Variants in IL1RAPL1 observed in about 807,000 individuals in gnomAD.
IL1RAPL1 encodes the protein interleukin 1 receptor accessory protein like 1, also known as interleukin-1 receptor accessory protein-like 1.
Under a neutral mutation model 48.4 loss-of-function variants are expected in IL1RAPL1, and 3 were observed. The observed-to-expected ratio is 0.06, with a 90% confidence interval of 0.03 to 0.16. The LOEUF is 0.16. IL1RAPL1 is among the 10% of genes least tolerant of loss of function. The pLI, the probability that IL1RAPL1 is intolerant of heterozygous loss-of-function variation, is 1.00. For synonymous variants in IL1RAPL1, 185 were observed against 187.7 expected, an observed-to-expected ratio of 0.99 and a Z score of 0.12; for missense variants, 349 against 530.6, an observed-to-expected ratio of 0.66 and a Z score of 3.36.
At chrX:28,691,085 G>A (rs2146925316) in intron 1 of IL1RAPL1, among the ~76,000 whole-genome samples, 1 of 111,143 alleles carries the variant, frequency 9.0e-6, no homozygotes, top group Admixed American at 9.6e-5. Flanking sequence ...GCTTCTAATT[G>A]CTCTTAGGAG....
At position 29,378,089 on chromosome X, in the gene IL1RAPL1, T is replaced by C. The variant is rs191148383; in HGVS notation, c.363-18169T>C. The stretch of plus-strand genomic sequence containing the variant: ...TAAAAATTATTATTTTTTCTTTATT[T>C]TTGTCTGATTGAGTTGATTCAAAGA... On this transcript the variant is annotated intron_variant, in intron 3 of 10. Transcript: ENST00000378993. Among the ~76,000 whole-genome samples, 440 of 109,964 alleles carry C rather than the reference T, an allele frequency of 4.0e-3. 1 individual carries two copies. Among genetic ancestry groups the C allele is most frequent in the Middle Eastern group, 9.4e-3 (2 of 212 alleles).
chrX:29,639,970 T>C (rs1192777471), intron 5 of IL1RAPL1, among the ~76,000 whole-genome samples: 1 of 111,498 alleles, frequency 9.0e-6, no homozygotes, highest in Non-Finnish European at 1.9e-5. Flanking sequence ...CCCTGGCATC[T>C]TTTTGGTCCT....
chrX:29,509,684 C>G (rs1270679972), intron 5 of IL1RAPL1, among the ~76,000 whole-genome samples: 1 of 107,103 alleles, frequency 9.3e-6, no homozygotes, highest in Non-Finnish European at 1.9e-5. Context: ...CATGCGCCCA[C>G]ACGCACACAC....
intron 6 of IL1RAPL1, among the ~76,000 whole-genome samples, chrX:29,883,426 G>T (rs753415483): frequency 2.4e-4 from 27 of 112,027 alleles, no homozygotes; most frequent in Non-Finnish European, 1.3e-4. Context: ...AGATCCAAGA[G>T]AGAATTTTAT....
chrX:28,927,177 G>A (rs1215156929), intron 2 of IL1RAPL1, among the ~76,000 whole-genome samples: 1 of 110,439 alleles, frequency 9.1e-6, no homozygotes, highest in Non-Finnish European at 1.9e-5. Flanking sequence ...TTACAGGTGT[G>A]AGCCACTGTG....
At chrX:29,727,424 C>T (rs1289429825) in intron 6 of IL1RAPL1, among the ~76,000 whole-genome samples, 33 of 112,050 alleles carry the variant, frequency 2.9e-4, no homozygotes, top group Non-Finnish European at 5.6e-5. Context: ...GGTAAATTAG[C>T]ACTTGGAGGA....
intron 6 of IL1RAPL1, among the ~76,000 whole-genome samples, chrX:29,766,374 TAG>T (rs1477773748): frequency 2.1e-5 from 2 of 93,046 alleles, no homozygotes; most frequent in African/African-American, 8.1e-5. Context: ...GATAGATAGA[TAG>T]ATAGATAGAT....
intron 5 of IL1RAPL1, among the ~76,000 whole-genome samples, chrX:29,452,575 T>C (rs899216017): frequency 8.9e-5 from 10 of 111,909 alleles, no homozygotes; most frequent in African/African-American, 2.9e-4. Context: ...GCTTTGTTAA[T>C]TTTTGATTTT....
intron 2 of IL1RAPL1, among the ~76,000 whole-genome samples, chrX:28,947,202 G>T (rs1239113421): frequency 1.8e-5 from 2 of 111,886 alleles, no homozygotes; most frequent in Non-Finnish European, 3.8e-5. Flanking sequence ...AGATGTGTGT[G>T]TATGTATGTA....
At chrX:28,620,959 T>A (rs900972406) in intron 1 of IL1RAPL1, among the ~76,000 whole-genome samples, 3 of 111,608 alleles carry the variant, frequency 2.7e-5, no homozygotes, top group African/African-American at 9.8e-5. Context: ...TTTGGGCCTT[T>A]TCCCTAGCTG....
chrX:29,124,891 A>T (rs1394636893), intron 2 of IL1RAPL1, among the ~76,000 whole-genome samples: 2 of 112,247 alleles, frequency 1.8e-5, no homozygotes, highest in African/African-American at 6.5e-5. Flanking sequence ...GGGCAGGAAT[A>T]GTGTATTGTT....
intron 2 of IL1RAPL1, among the ~76,000 whole-genome samples, chrX:28,941,591 A>G (rs1924163969): frequency 9.0e-6 from 1 of 111,319 alleles, no homozygotes; most frequent in African/African-American, 3.2e-5. Flanking sequence ...ACACTTAAAG[A>G]TGCTGCTTTA....
chrX:29,466,134 A>G (rs1338493281), intron 5 of IL1RAPL1, among the ~76,000 whole-genome samples: 3 of 112,568 alleles, frequency 2.7e-5, no homozygotes, highest in African/African-American at 9.7e-5. Context: ...TTCAAATTTA[A>G]CCAGATACCT....
chrX:28,774,986 G>T (rs1020640543), intron 1 of IL1RAPL1, among the ~76,000 whole-genome samples: 3 of 111,780 alleles, frequency 2.7e-5, no homozygotes, highest in African/African-American at 9.7e-5. Flanking sequence ...CACCAAGTCT[G>T]ATGACCTTCC....
At chrX:28,746,254 A>G (rs1935976330) in intron 1 of IL1RAPL1, among the ~76,000 whole-genome samples, 1 of 111,757 alleles carries the variant, frequency 8.9e-6, no homozygotes, top group South Asian at 3.8e-4. Context: ...TATTTACCAA[A>G]GTCAAAATAC....
At chrX:29,563,095 G>A (rs775328161) in intron 5 of IL1RAPL1, among the ~76,000 whole-genome samples, 76 of 111,820 alleles carry the variant, frequency 6.8e-4, no homozygotes, top group Non-Finnish European at 3.6e-4. Flanking sequence ...ACATCATGAT[G>A]AACATCTATA....
chrX:28,924,967 A>G (rs1923704162), intron 2 of IL1RAPL1, among the ~76,000 whole-genome samples: 1 of 111,926 alleles, frequency 8.9e-6, no homozygotes, highest in African/African-American at 3.3e-5. Flanking sequence ...GCCACAGTTT[A>G]CACCTGCCAT....
intron 5 of IL1RAPL1, among the ~76,000 whole-genome samples, chrX:29,461,163 C>G (rs989715891): frequency 9.0e-6 from 1 of 111,227 alleles, no homozygotes; most frequent in Non-Finnish European, 1.9e-5. Flanking sequence ...AAATGGCCAA[C>G]AAGCACATAA....
chrX:29,694,209 C>T (rs781615182), intron 6 of IL1RAPL1, among the ~76,000 whole-genome samples: 2 of 112,060 alleles, frequency 1.8e-5, no homozygotes, highest in African/African-American at 6.5e-5. Context: ...CTGCTGAGAT[C>T]TGCTTTTTCT....
Sources: gnomAD v4.1 joint callset for allele counts (sites outside exome capture counted in the v4.1 genomes callset) on GRCh38, gnomAD v4.1.1 for gene constraint, MANE v1.5 for transcripts, NCBI Gene and HGNC (gene_info 2026-07-23, HGNC 2026-07-21) for gene names.